INPP5F: variants seen among roughly 807,000 people sequenced by gnomAD.
INPP5F encodes the protein inositol polyphosphate-5-phosphatase F.
Under a neutral mutation model 137.2 loss-of-function variants are expected in INPP5F, and 97 were observed. The ratio of observed to expected loss-of-function variants is 0.71; its 90% CI spans 0.60 to 0.84. INPP5F has a LOEUF of 0.84. Ranked by LOEUF, INPP5F falls within the 40% of genes least tolerant of loss-of-function variation. INPP5F has a pLI of 0.00. For synonymous variants in INPP5F, 504 were observed against 476.9 expected (o/e 1.06, Z -0.74); for missense variants, 1,271 against 1,371.9 (o/e 0.93, Z 1.16).
intron 3 of INPP5F, among the ~76,000 whole-genome samples, chr10:119,790,009 G>A (rs1850080549): frequency 7.1e-6 from 1 of 139,884 alleles, no homozygotes; most frequent in Non-Finnish European, 1.5e-5. Flanking sequence ...GCATGCTTCA[G>A]ACAGCAGCTT....
chr10:119,778,529 A>T (rs1849599855), intron 2 of INPP5F, among the ~76,000 whole-genome samples: 1 of 152,036 alleles, frequency 6.6e-6, no homozygotes, highest in African/African-American at 2.4e-5. Flanking sequence ...AGAAATTTGG[A>T]TTGGAAAGAC....
chr10:119,816,190 G>C (rs968284411), intron 15 of INPP5F: 3 of 152,384 alleles, frequency 2.0e-5, no homozygotes, highest in Non-Finnish European at 4.4e-5. Context: ...GTTTAGGCTG[G>C]GGCACAGGAG....
chr10:119,739,986 G>C (rs1057481757), intron 1 of INPP5F, among the ~76,000 whole-genome samples: 2 of 151,954 alleles, frequency 1.3e-5, no homozygotes, highest in African/African-American at 4.8e-5. Flanking sequence ...TGTATTAGAA[G>C]TTATTTCTAC....
At chr10:119,789,597 T>A (rs1434353332) in intron 3 of INPP5F, among the ~76,000 whole-genome samples, 2 of 151,978 alleles carry the variant, frequency 1.3e-5, no homozygotes, top group Non-Finnish European at 2.9e-5. Flanking sequence ...AAGACAAAGA[T>A]CCTGCCTCAA....
At chr10:119,738,249 T>C (rs936062292) in intron 1 of INPP5F, among the ~76,000 whole-genome samples, 1 of 152,264 alleles carries the variant, frequency 6.6e-6, no homozygotes, top group African/African-American at 2.4e-5. Flanking sequence ...GGCTATACTT[T>C]TGTAATTTGT....
At chr10:119,771,590 A>C (rs1849337103) in intron 2 of INPP5F, among the ~76,000 whole-genome samples, 1 of 151,916 alleles carries the variant, frequency 6.6e-6, no homozygotes, top group Non-Finnish European at 1.5e-5. Flanking sequence ...TTACAAACAA[A>C]TACAATTATT....
Position 119,820,931 on chromosome 10 carries a change from T to G in INPP5F, c.1958+14T>G. ...CTACGTGGCCTAGTAAGTTGCTTAT[T>G]GATTTAAAGGTTTTGATTTTGTTTT... On this transcript the variant is annotated intron_variant, in intron 16 of 19. Coordinates refer to ENST00000650623, the MANE Select transcript of INPP5F (RefSeq NM_014937.4). The G allele has an allele frequency of 6.5e-7, 1 of 1,543,870 alleles. No individual in the cohort carries two copies. The highest frequency in any genetic ancestry group is 9.0e-7 in the Non-Finnish European group (1 of 1,117,112).
rs1847875430 is a variant in INPP5F, at chr10:119,726,119, C to T, written c.-144C>T. 7.0e-6 allele frequency: 3 copies of T among 426,828 alleles called. No individual in the cohort carries two copies. Among genetic ancestry groups the T allele is most frequent in the Non-Finnish European group, 1.2e-5 (3 of 254,286 alleles). The allele number at this position is 426,828 out of a possible 1,614,324, so 26.4% of individuals were successfully genotyped here. On this transcript the variant is annotated 5_prime_UTR_variant, in exon 1 of 20. Transcript: ENST00000650623. The stretch of plus-strand genomic sequence containing the variant: ...CGTTCTCCTCCTACCGGTCGGGTGC[C>T]CCGGGGCGTTCCCTCTGCCGCTGCT...
At chr10:119,824,228 AT>A (rs1461128111) in intron 19 of INPP5F, among the ~76,000 whole-genome samples, 1 of 152,206 alleles carries the variant, frequency 6.6e-6, no homozygotes, top group Non-Finnish European at 1.5e-5. Flanking sequence ...GCACGGTAAG[AT>A]TAACCAAAGT....
At chr10:119,769,483 G>C (rs562429150) in intron 2 of INPP5F, among the ~76,000 whole-genome samples, 19 of 152,228 alleles carry the variant, frequency 1.2e-4, no homozygotes, top group South Asian at 6.2e-4. Context: ...TGCCCAGAAA[G>C]CTGGTACAAA....
At chr10:119,751,718 A>T (rs529277336) in intron 2 of INPP5F, among the ~76,000 whole-genome samples, 8 of 152,350 alleles carry the variant, frequency 5.3e-5, no homozygotes, top group African/African-American at 1.9e-4. Flanking sequence ...AACAGGTATT[A>T]TACAGGTGGG....
chr10:119,750,135 G>C (rs909685372), intron 1 of INPP5F, among the ~76,000 whole-genome samples: 4 of 152,172 alleles, frequency 2.6e-5, no homozygotes, highest in African/African-American at 9.7e-5. Context: ...AGATGCAATA[G>C]TCAAAACTCA....
chr10:119,823,700 A>C (rs1413034166), intron 18 of INPP5F, 115 bp from the exon 19 acceptor site: 1 of 659,520 alleles, frequency 1.5e-6, no homozygotes, highest in African/African-American at 1.9e-5. Flanking sequence ...GAAGCAAATA[A>C]ATTTGTATTT....
chr10:119,795,052 T>C (rs372190778), intron 6 of INPP5F, among the ~76,000 whole-genome samples: 41,333 of 80,782 alleles, frequency 0.51, 9,289 homozygotes, highest in South Asian at 0.7. Flanking sequence ...CCCTCCCGGA[T>C]GGGGCGGCTG....
intron 2 of INPP5F, among the ~76,000 whole-genome samples, chr10:119,775,663 T>C (rs1849499508): frequency 8.0e-6 from 1 of 125,360 alleles, no homozygotes; most frequent in South Asian, 4.0e-4. Context: ...TACAGAGTCA[T>C]TGGAAAAAAA....
intron 3 of INPP5F, among the ~76,000 whole-genome samples, chr10:119,790,258 G>T (rs1168628277): frequency 6.6e-6 from 1 of 152,096 alleles, no homozygotes; most frequent in East Asian, 1.9e-4. Context: ...GCTTGGTTCT[G>T]TCTTCTCTCC....
intron 14 of INPP5F, 23 bp downstream of exon 14, chr10:119,810,240 T>TATAACAGC: frequency 7.6e-7 from 1 of 1,317,674 alleles, no homozygotes; most frequent in Non-Finnish European, 1.1e-6. Flanking sequence ...AAAGCTTTTC[T>TATAACAGC]TTCCTCAAAA....
At chr10:119,778,681 A>G (rs1165335242) in intron 2 of INPP5F, among the ~76,000 whole-genome samples, 1 of 152,196 alleles carries the variant, frequency 6.6e-6, no homozygotes, top group Non-Finnish European at 1.5e-5. Context: ...TTACCAACCC[A>G]TACTCTTCTG....
At chr10:119,811,679 G>A in intron 14 of INPP5F, 78 bp from the exon 15 acceptor site, 1 of 1,122,274 alleles carries the variant, frequency 8.9e-7, no homozygotes, top group Non-Finnish European at 1.3e-6. Flanking sequence ...TACAGTTTTA[G>A]GTCTTACATT....
Sources: allele counts gnomAD v4.1 joint callset (sites outside exome capture counted in the v4.1 genomes callset), GRCh38; gene constraint gnomAD v4.1.1; transcripts MANE v1.5; gene names NCBI Gene and HGNC (gene_info 2026-07-23, HGNC 2026-07-21).